Variants in ERC2 observed in about 807,000 individuals in gnomAD.
ERC2 encodes the protein ERC protein 2.
In ERC2, 42 loss-of-function variants were observed where a neutral mutation model predicts 114.8. The observed-to-expected ratio is 0.37, with a 90% CI of 0.29 to 0.47. The LOEUF (loss-of-function observed/expected upper bound fraction) is 0.47, where lower values mean the gene tolerates loss of function less well. ERC2 is among the 20% of genes least tolerant of loss of function. ERC2 has a pLI of 0.99. For synonymous variants in ERC2, 454 were observed against 425.5 expected, an observed-to-expected ratio of 1.07 and a Z score of -0.82; for missense variants, 939 against 1,150.7, an observed-to-expected ratio of 0.82 and a Z score of 2.66.
At chr3:55,546,539 T>C (rs563749878) in intron 17 of ERC2, among the ~76,000 whole-genome samples, 2 of 152,302 alleles carry the variant, frequency 1.3e-5, no homozygotes, top group South Asian at 4.1e-4. Context: ...TTTTGGTCTG[T>C]TTTGTTCACT....
chr3:56,443,958 A>ATTTT lies in ERC2; in HGVS notation c.-140-8815_-140-8812dup, dbSNP rs11343406. Among the ~76,000 whole-genome samples, 14 of 80,238 alleles carry ATTTT rather than the reference A, an allele frequency of 1.7e-4. 2 individuals carry two copies. Among genetic ancestry groups the ATTTT allele is most frequent in the African/African-American group, 2.6e-4 (5 of 19,132 alleles). The allele number at this position is 80,238 out of a possible 152,430, so 52.6% of individuals were successfully genotyped here. On this transcript the variant is annotated intron_variant, in intron 1 of 17. Transcript: ENST00000288221. ...TGTGAACTCTTTAAAAATACCTACA[A>ATTTT]TTTTTTTTTTTTTTTTTTGGTTGAG...
chr3:56,203,948 G>A (rs904931900), intron 3 of ERC2, among the ~76,000 whole-genome samples: 1 of 152,160 alleles, frequency 6.6e-6, no homozygotes, highest in Non-Finnish European at 1.5e-5. Context: ...TTGGGAGGCC[G>A]AGGCAGGTGA....
rs186654015 is a variant in ERC2 at position 56,268,094 on chromosome 3, G to A, written c.1074+27925C>T. On this transcript the variant is annotated intron_variant, in intron 3 of 17. Transcript: ENST00000288221. Reference sequence around the variant, plus strand: ...GTCAATTCCTGCATCATGATGTCTCGATAAATGACGGACCACATATATGAC... The same window carrying A: ...GTCAATTCCTGCATCATGATGTCTCAATAAATGACGGACCACATATATGAC... Among the ~76,000 whole-genome samples the A allele has an allele frequency of 6.6e-5, 10 of 152,204 alleles. No homozygotes were observed. The East Asian group carries it at 1.9e-3, about 29-fold the overall frequency.
chr3:55,867,739 C>T (rs549805650), intron 14 of ERC2, among the ~76,000 whole-genome samples: 4 of 152,052 alleles, frequency 2.6e-5, no homozygotes, highest in Middle Eastern at 6.8e-3. Context: ...AAAGATAAAA[C>T]TATTTCAAAG....
At chr3:55,645,897 A>C (rs1454162185) in intron 17 of ERC2, among the ~76,000 whole-genome samples, 3 of 152,152 alleles carry the variant, frequency 2.0e-5, no homozygotes, top group African/African-American at 7.2e-5. Flanking sequence ...TGGCGCAAGG[A>C]GAAGAGGGCC....
At chr3:55,668,045 C>T (rs2061421592) in intron 17 of ERC2, among the ~76,000 whole-genome samples, 1 of 152,236 alleles carries the variant, frequency 6.6e-6, no homozygotes, top group Middle Eastern at 3.4e-3. Context: ...AAAAATGATT[C>T]CAGAGATTGC....
intron 1 of ERC2, among the ~76,000 whole-genome samples, chr3:56,448,549 C>A (rs1359481095): frequency 6.6e-6 from 1 of 152,158 alleles, no homozygotes; most frequent in African/African-American, 2.4e-5. Context: ...AACCATACCC[C>A]ACGGGCCTCA....
chr3:55,577,604 A>T (rs992983532), intron 17 of ERC2, among the ~76,000 whole-genome samples: 6 of 152,292 alleles, frequency 3.9e-5, no homozygotes, highest in African/African-American at 1.4e-4. Context: ...AGCAGGAGGA[A>T]GAGGAGCCAA....
chr3:55,737,899 G>T (rs2065740858), intron 14 of ERC2, among the ~76,000 whole-genome samples: 1 of 152,084 alleles, frequency 6.6e-6, no homozygotes, highest in Non-Finnish European at 1.5e-5. Context: ...ATATAATAGT[G>T]TCTCCTTCCA....
At chr3:55,819,622 A>G (rs192690274) in intron 14 of ERC2, among the ~76,000 whole-genome samples, 109 of 152,328 alleles carry the variant, frequency 7.2e-4, no homozygotes, top group African/African-American at 2.5e-3. Flanking sequence ...GAAATTCTCT[A>G]CCACACACAG....
At chr3:56,010,867 T>C (rs1351316846) in intron 8 of ERC2, among the ~76,000 whole-genome samples, 1 of 152,234 alleles carries the variant, frequency 6.6e-6, no homozygotes, top group Non-Finnish European at 1.5e-5. Flanking sequence ...TTCATGGTAG[T>C]ATCCAGCAAA....
At chr3:55,907,651 CACAG>C (rs2064539934) in intron 13 of ERC2, among the ~76,000 whole-genome samples, 1 of 152,156 alleles carries the variant, frequency 6.6e-6, no homozygotes, top group Non-Finnish European at 1.5e-5. Context: ...CATGAGGAAA[CACAG>C]ACGCTGAGTT....
At chr3:56,450,227 A>T (rs559765760) in intron 1 of ERC2, among the ~76,000 whole-genome samples, 94 of 152,286 alleles carry the variant, frequency 6.2e-4, no homozygotes, top group African/African-American at 2.2e-3. Context: ...TAGTTCCCCC[A>T]AACTCATTTT....
rs974437433 is a variant in ERC2, at chr3:55,552,807, T to A, written c.*40-41531A>T. Among the ~76,000 whole-genome samples the A allele has an allele frequency of 2.0e-4, 31 of 151,946 alleles. 1 individual carries two copies. The highest frequency in any genetic ancestry group is 7.5e-4 in the African/African-American group (31 of 41,398). ...GGACTCATTTTCTGTTGCTTTCTAA[T>A]AATCTCTTCCTTAAAAATATATACA... On this transcript the variant is annotated intron_variant, in intron 17 of 17. Coordinates refer to ENST00000288221, the MANE Select transcript of ERC2 (RefSeq NM_015576.3).
At chr3:55,528,007 C>G (rs2053436801) in intron 17 of ERC2, among the ~76,000 whole-genome samples, 1 of 152,132 alleles carries the variant, frequency 6.6e-6, no homozygotes, top group African/African-American at 2.4e-5. Flanking sequence ...GATAGTAACA[C>G]CCCACAGGCT....
In ERC2 at chr3:56,296,473, G is replaced by A. The variant is rs1374935304; in HGVS notation, c.658-38C>T. Reference sequence around the variant, plus strand: ...AGATGGAGCGGGAGAGGAGAAAGAAGGAAAAAAAGTCAATGAAAATGTCAA... The same window carrying A: ...AGATGGAGCGGGAGAGGAGAAAGAAAGAAAAAAAGTCAATGAAAATGTCAA... On this transcript the variant is annotated intron_variant, in intron 2 of 17. Transcript: ENST00000288221. 8 of 1,552,448 alleles carry A rather than the reference G, an allele frequency of 5.2e-6. No homozygotes were observed. In the Admixed American group the frequency reaches 6.1e-5, roughly 12 times the overall value.
intron 2 of ERC2, among the ~76,000 whole-genome samples, chr3:56,416,226 A>G (rs2107172659): frequency 6.6e-6 from 1 of 152,236 alleles, no homozygotes; most frequent in East Asian, 1.9e-4. Context: ...CTCCACACCT[A>G]CTAATGTCTC....
At chr3:56,138,668 T>G (rs997889538) in intron 6 of ERC2, among the ~76,000 whole-genome samples, 1 of 152,240 alleles carries the variant, frequency 6.6e-6, no homozygotes, top group East Asian at 1.9e-4. Flanking sequence ...AGAGAGAGCA[T>G]GCATGTTGAT....
At chr3:56,390,731 T>C (rs962046962) in intron 2 of ERC2, among the ~76,000 whole-genome samples, 1 of 152,202 alleles carries the variant, frequency 6.6e-6, no homozygotes, top group African/African-American at 2.4e-5. Context: ...CTGGTTCATA[T>C]GCAACATAAA....
Sources: allele counts gnomAD v4.1 joint callset (sites outside exome capture counted in the v4.1 genomes callset), GRCh38; gene constraint gnomAD v4.1.1; transcripts MANE v1.5; gene names NCBI Gene and HGNC (gene_info 2026-07-23, HGNC 2026-07-21).